The following ATP9B variants were observed in gnomAD, a reference collection of about 807,000 sequenced individuals.
The protein encoded by ATP9B is probable phospholipid-transporting ATPase IIB.
A neutral mutation model predicts 146.1 loss-of-function variants in ATP9B; 110 were observed. The ratio of observed to expected loss-of-function variants is 0.75; its 90% confidence interval spans 0.65 to 0.88. The LOEUF (loss-of-function observed/expected upper bound fraction) is 0.88, where lower values mean the gene tolerates loss of function less well. Among genes scored for constraint, ATP9B ranks in the 40% least tolerant of loss-of-function variants. The probability of loss-of-function intolerance (pLI) is 0.00; values close to 1 mark genes in which losing one functional copy is unlikely to be tolerated. For synonymous variants in ATP9B, 604 were observed against 569.7 expected (o/e 1.06, Z -0.86); for missense variants, 1,499 against 1,496.4 (o/e 1.00, Z -0.03).
intron 12 of ATP9B, among the ~76,000 whole-genome samples, chr18:79,271,691 A>G (rs1440239986): frequency 1.3e-5 from 2 of 151,958 alleles, no homozygotes; most frequent in African/African-American, 4.8e-5. Flanking sequence ...TAGTGCCGCA[A>G]TAAACATACG....
intron 24 of ATP9B, 81 bp downstream of exon 24, chr18:79,348,006 G>T (rs1236625563): frequency 3.7e-6 from 6 of 1,603,850 alleles, no homozygotes; most frequent in Admixed American, 1.7e-5. Flanking sequence ...GTCCGGGAGT[G>T]GGGGTGCTGA....
At chr18:79,207,102 G>A in intron 10 of ATP9B, 90 bp downstream of exon 10, 1 of 1,275,504 alleles carries the variant, frequency 7.8e-7, no homozygotes, top group Non-Finnish European at 1.1e-6. Flanking sequence ...GTTTCTCACA[G>A]TGCCCTGAAA....
intron 8 of ATP9B, among the ~76,000 whole-genome samples, chr18:79,183,428 A>C (rs1431507708): frequency 6.6e-6 from 1 of 150,884 alleles, no homozygotes; most frequent in Non-Finnish European, 1.5e-5. Context: ...TTAAATTTAC[A>C]TTTGTTTAGT....
At chr18:79,266,556 C>A (rs1220845259) in intron 12 of ATP9B, among the ~76,000 whole-genome samples, 1 of 152,014 alleles carries the variant, frequency 6.6e-6, no homozygotes, top group African/African-American at 2.4e-5. Flanking sequence ...ACTTTCAACA[C>A]TTTGTCATTT....
rs140985567 is a variant in ATP9B at position 79,209,221 on chromosome 18, G to A, written c.1030+2209G>A. Among the ~76,000 whole-genome samples, 342 of 152,302 alleles carry A rather than the reference G, an allele frequency of 2.2e-3. 1 individual carries two copies. The highest frequency in any genetic ancestry group is 7.3e-3 in the African/African-American group (304 of 41,566). ...AGTGCTCGGCCTTCAGTAGTTACAC[G>A]AAAGCATTTATGATACAGGACTCAG... is the stretch of plus-strand genomic sequence containing the variant. On this transcript the variant is annotated intron_variant, in intron 10 of 29. Transcript: ENST00000426216.
At chr18:79,250,893 C>A (rs2096016209) in intron 11 of ATP9B, among the ~76,000 whole-genome samples, 2 of 152,192 alleles carry the variant, frequency 1.3e-5, no homozygotes, top group Admixed American at 1.3e-4. Context: ...CGAGATGCTG[C>A]TGTGGACGTT....
chr18:79,097,289 A>G (rs1213987578), intron 2 of ATP9B, among the ~76,000 whole-genome samples: 1 of 147,270 alleles, frequency 6.8e-6, no homozygotes, highest in African/African-American at 2.5e-5. Context: ...ATGGGCCTAT[A>G]CTCCTCTGGT....
chr18:79,163,532 C>T (rs2094914947), intron 7 of ATP9B, among the ~76,000 whole-genome samples: 1 of 151,994 alleles, frequency 6.6e-6, no homozygotes, highest in South Asian at 2.1e-4. Context: ...TTTTACGTTA[C>T]TTTAATATTT....
chr18:79,213,970 A>G lies in ATP9B; in HGVS notation c.1039A>G (p.Ile347Val), dbSNP rs139285015. The G allele has an allele frequency of 6.2e-7, 1 of 1,605,604 alleles. No homozygotes were observed. ...CTTTCATGTTTTTGCAGGTACTGTA[A>G]TAGGTGTTGTCATTTATACCGGAAA... ...ASTIVASGTV[I>V]GVVIYTGKET... The change falls in exon 11 of 30, where the codon ATA becomes GTA. Residue 347 changes from isoleucine to valine, a missense_variant. By Grantham distance (29) the Ile-to-Val change is conservative. Transcript: ENST00000426216.
intron 15 of ATP9B, among the ~76,000 whole-genome samples, chr18:79,309,682 C>G (rs897249827): frequency 2.2e-5 from 3 of 138,772 alleles, no homozygotes; most frequent in Non-Finnish European, 4.7e-5. Flanking sequence ...AGGTCAGGGG[C>G]GGAGGAGTGA....
intron 11 of ATP9B, among the ~76,000 whole-genome samples, chr18:79,247,898 G>T (rs533543425): frequency 4.1e-4 from 62 of 152,254 alleles, no homozygotes; most frequent in Non-Finnish European, 8.1e-4. Flanking sequence ...AAACATGTAG[G>T]TTATGAAATA....
At chr18:79,100,696 A>G (rs1297091928) in intron 2 of ATP9B, among the ~76,000 whole-genome samples, 1 of 152,218 alleles carries the variant, frequency 6.6e-6, no homozygotes, top group Non-Finnish European at 1.5e-5. Flanking sequence ...TAATAAAGAC[A>G]TACCCGAGAC....
In ATP9B at chr18:79,277,141, C is replaced by T. The variant is rs1431166671; in HGVS notation, c.1356C>T (p.Thr452=). 6 of 1,614,210 alleles carry T rather than the reference C, an allele frequency of 3.7e-6. No individual in the cohort carries two copies. The South Asian group carries it at 5.5e-5, about 15-fold the overall frequency. The change falls in exon 13 of 30, where the codon ACC becomes ACT. Residue 452 remains threonine, a synonymous_variant. Coordinates refer to ENST00000426216, the MANE Select transcript of ATP9B (RefSeq NM_198531.5). The part of the protein sequence containing the change: ...DENIPGTVVR[T]STIPEELGRL... ...ACATCCCTGGCACGGTCGTTCGGACCAGCACTATCCCAGAGGAACTTGGGC... is the reference window on the plus strand; with the variant it reads ...ACATCCCTGGCACGGTCGTTCGGACTAGCACTATCCCAGAGGAACTTGGGC...
At chr18:79,351,456 G>A (rs1469067158) in intron 25 of ATP9B, among the ~76,000 whole-genome samples, 2 of 152,188 alleles carry the variant, frequency 1.3e-5, no homozygotes, top group Non-Finnish European at 2.9e-5. Flanking sequence ...CTTTGGAGGG[G>A]CGATGCCTTT....
chr18:79,217,215 T>C (rs1379805767), intron 11 of ATP9B, among the ~76,000 whole-genome samples: 1 of 152,254 alleles, frequency 6.6e-6, no homozygotes, highest in Non-Finnish European at 1.5e-5. Context: ...GACAGAGTCT[T>C]GCTGTGTTGC....
intron 8 of ATP9B, among the ~76,000 whole-genome samples, chr18:79,192,768 T>C (rs962180587): frequency 6.6e-6 from 1 of 152,200 alleles, no homozygotes; most frequent in African/African-American, 2.4e-5. Flanking sequence ...AATGAAAGCA[T>C]GTAAACAGAT....
chr18:79,367,113 G>A (rs111677024), intron 26 of ATP9B, among the ~76,000 whole-genome samples: 26 of 121,072 alleles, frequency 2.1e-4, no homozygotes, highest in East Asian at 1.1e-3. Flanking sequence ...CAACCAGAGA[G>A]CACACATATC....
chr18:79,368,230 A>C, intron 26 of ATP9B, among the ~76,000 whole-genome samples: 1 of 152,336 alleles, frequency 6.6e-6, no homozygotes, highest in South Asian at 2.1e-4. Context: ...AAAGTCTTCA[A>C]TTTTCCTAGG....
At chr18:79,276,490 C>T (rs1054479007) in intron 12 of ATP9B, among the ~76,000 whole-genome samples, 5 of 152,198 alleles carry the variant, frequency 3.3e-5, no homozygotes, top group African/African-American at 1.2e-4. Flanking sequence ...GGGAAATATC[C>T]CATTGGTCAT....
Sources: allele counts gnomAD v4.1 joint callset (sites outside exome capture counted in the v4.1 genomes callset), GRCh38; gene constraint gnomAD v4.1.1; transcripts MANE v1.5; gene names NCBI Gene and HGNC (gene_info 2026-07-23, HGNC 2026-07-21).